NRXN3: variants seen among roughly 807,000 people sequenced by gnomAD.
NRXN3 encodes the protein neurexin III.
NRXN3 carries 32 observed loss-of-function variants against 137.6 expected under a neutral mutation model. The ratio of observed to expected loss-of-function variants is 0.23; its 90% CI spans 0.18 to 0.31. The LOEUF is 0.31. Ranked by LOEUF, NRXN3 falls within the 10% of genes least tolerant of loss-of-function variation. The pLI is 1.00. For synonymous variants in NRXN3, 798 were observed against 784.5 expected (o/e 1.02, Z -0.29); for missense variants, 1,574 against 2,062.5 (o/e 0.76, Z 4.59).
intron 16 of NRXN3, among the ~76,000 whole-genome samples, chr14:79,652,527 C>T (rs1222462963): frequency 2.0e-5 from 3 of 152,210 alleles, no homozygotes; most frequent in African/African-American, 4.8e-5. Flanking sequence ...GAAACTTACT[C>T]ACTTTATACT....
chr14:79,017,186 C>T (rs2099580682), intron 15 of NRXN3, among the ~76,000 whole-genome samples: 1 of 151,886 alleles, frequency 6.6e-6, no homozygotes, highest in Non-Finnish European at 1.5e-5. Context: ...TTGAGTGGAT[C>T]CAATGACCAC....
At chr14:78,439,993 T>G (rs999339807) in intron 4 of NRXN3, among the ~76,000 whole-genome samples, 2 of 152,242 alleles carry the variant, frequency 1.3e-5, no homozygotes, top group Non-Finnish European at 2.9e-5. Flanking sequence ...CTGGAATCTT[T>G]GTCCTCCCAC....
At chr14:79,307,902 A>G (rs2086385934) in intron 15 of NRXN3, among the ~76,000 whole-genome samples, 1 of 152,046 alleles carries the variant, frequency 6.6e-6, no homozygotes, top group Admixed American at 6.6e-5. Context: ...GGCTTAAACA[A>G]CAGAAATTTA....
At chr14:78,603,207 C>G (rs1031459308) in intron 4 of NRXN3, among the ~76,000 whole-genome samples, 1 of 152,158 alleles carries the variant, frequency 6.6e-6, no homozygotes, top group East Asian at 1.9e-4. Context: ...CATTGCCCAC[C>G]TGCTGCTCTC....
At chr14:78,847,623 C>T (rs2099030992) in intron 10 of NRXN3, among the ~76,000 whole-genome samples, 1 of 152,004 alleles carries the variant, frequency 6.6e-6, no homozygotes. Flanking sequence ...TGATGCTGTA[C>T]CTCATTTGGT....
intron 4 of NRXN3, among the ~76,000 whole-genome samples, chr14:78,502,797 C>G (rs1435812212): frequency 6.6e-6 from 1 of 152,114 alleles, no homozygotes. Context: ...TCAAAGTGCT[C>G]AAACACGGAG....
At chr14:79,655,034 T>C (rs2098498665) in intron 16 of NRXN3, among the ~76,000 whole-genome samples, 1 of 152,194 alleles carries the variant, frequency 6.6e-6, no homozygotes, top group Non-Finnish European at 1.5e-5. Flanking sequence ...GCCTAGAATA[T>C]CCACCTCTAA....
chr14:79,579,724 G>T (rs922249161), intron 16 of NRXN3, among the ~76,000 whole-genome samples: 2 of 152,036 alleles, frequency 1.3e-5, no homozygotes, highest in African/African-American at 4.8e-5. Flanking sequence ...TTTGTTGCAT[G>T]CATAACGTGT....
chr14:78,827,389 A>T (rs1232224168), intron 10 of NRXN3, among the ~76,000 whole-genome samples: 3 of 152,210 alleles, frequency 2.0e-5, no homozygotes, highest in Non-Finnish European at 4.4e-5. Context: ...CTTTTTCCTA[A>T]CATATGGACG....
intron 16 of NRXN3, among the ~76,000 whole-genome samples, chr14:79,496,953 C>T (rs562502429): frequency 1.3e-5 from 2 of 152,248 alleles, no homozygotes; most frequent in South Asian, 2.1e-4. Context: ...AAACCCTCTG[C>T]GGGTATTAAT....
Position 79,061,299 on chromosome 14 carries a change from T to C in NRXN3, c.3262+73158T>C, listed in dbSNP as rs373970740. Among the ~76,000 whole-genome samples, 24 of 152,316 alleles carry C rather than the reference T, an allele frequency of 1.6e-4. No homozygotes were observed. The South Asian group carries it at 2.1e-3, about 13-fold the overall frequency. On this transcript the variant is annotated intron_variant, in intron 15 of 20. Transcript: ENST00000335750. ...AAAGTACTTTTGTAATGGTAATTCA[T>C]GCTACAAAGCTGTAGACCTTGGTGC...
Position 78,879,565 on chromosome 14 carries a change from TG to T in NRXN3, c.2275+69224del, listed in dbSNP as rs1479599488. ...TTAGATCCTTTGCTTATTTTTTAAT[TG>T]GGTTATTTGTTTACTTGCTATGAAG... On this transcript the variant is annotated intron_variant, in intron 10 of 20. Coordinates refer to ENST00000335750, the MANE Select transcript of NRXN3 (RefSeq NM_001330195.2). 2.0e-5 allele frequency among the ~76,000 whole-genome samples: 3 copies of T among 152,356 alleles called. No individual in the cohort carries two copies. The East Asian group carries it at 5.8e-4, about 29-fold the overall frequency.
Position 79,680,240 on chromosome 14 carries a change from A to G in NRXN3, c.3617-11933A>G, listed in dbSNP as rs74613369. 2.1e-3 allele frequency among the ~76,000 whole-genome samples: 319 copies of G among 152,238 alleles called. 5 individuals are homozygous for G. In the East Asian group the frequency reaches 0.026, roughly 12 times the overall value. On this transcript the variant is annotated intron_variant, in intron 17 of 20. Transcript: ENST00000335750. ...GCTGGGCGCAGTGGCTCACACCTAC[A>G]GATGCATGCCTATAGTCGCAGCTAT...
rs75149211 is a variant in NRXN3 at position 78,687,848 on chromosome 14, G to A, written c.1222-21369G>A. The stretch of plus-strand genomic sequence containing the variant: ...AATCATATGGCTCCATCCTGCACAA[G>A]GGGCCGATAAATACAATCCTGTCTT... On this transcript the variant is annotated intron_variant, in intron 6 of 20. Coordinates refer to ENST00000335750, the MANE Select transcript of NRXN3 (RefSeq NM_001330195.2). Among the ~76,000 whole-genome samples, 596 of 152,310 alleles carry A rather than the reference G, an allele frequency of 3.9e-3. 1 individual carries two copies. Among genetic ancestry groups the A allele is most frequent in the African/African-American group, 0.014 (572 of 41,564 alleles).
chr14:78,715,816 T>C (rs1401826166), intron 8 of NRXN3, among the ~76,000 whole-genome samples: 1 of 151,954 alleles, frequency 6.6e-6, no homozygotes, highest in African/African-American at 2.4e-5. Flanking sequence ...AATGAGTTAA[T>C]AGGTTCTCGA....
chr14:78,560,280 C>G (rs1055453091), intron 4 of NRXN3, among the ~76,000 whole-genome samples: 1 of 152,216 alleles, frequency 6.6e-6, no homozygotes, highest in Admixed American at 6.5e-5. Context: ...GATTTTTCCC[C>G]CTAAATTGAC....
intron 16 of NRXN3, among the ~76,000 whole-genome samples, chr14:79,495,425 A>C (rs1360594073): frequency 6.6e-6 from 1 of 151,958 alleles, no homozygotes; most frequent in Non-Finnish European, 1.5e-5. Context: ...CTTTCTTTCT[A>C]CATTTTTTTT....
chr14:78,845,892 A>C (rs570987124), intron 10 of NRXN3, among the ~76,000 whole-genome samples: 61 of 149,800 alleles, frequency 4.1e-4, no homozygotes, highest in Non-Finnish European at 7.8e-4. Context: ...TCAGGACAGT[A>C]TGAGTATGTT....
chr14:79,042,407 C>T (rs2152537796), intron 15 of NRXN3, among the ~76,000 whole-genome samples: 1 of 152,280 alleles, frequency 6.6e-6, no homozygotes, highest in Non-Finnish European at 1.5e-5. Flanking sequence ...CTTATCCCTA[C>T]CTTAGAGATG....
Sources: gnomAD v4.1 joint callset for allele counts (sites outside exome capture counted in the v4.1 genomes callset) on GRCh38, gnomAD v4.1.1 for gene constraint, MANE v1.5 for transcripts, NCBI Gene and HGNC (gene_info 2026-07-23, HGNC 2026-07-21) for gene names.